OCA2: variants seen among roughly 807,000 people sequenced by gnomAD.
OCA2 encodes OCA2 melanosomal transmembrane protein, also known as P protein.
In OCA2, 77 loss-of-function variants were observed where a neutral mutation model predicts 100.2. The observed-to-expected ratio is 0.77, with a 90% CI of 0.64 to 0.93. The LOEUF (loss-of-function observed/expected upper bound fraction) is 0.93, where lower values mean the gene tolerates loss of function less well. Among genes scored for constraint, OCA2 ranks in the 40% least tolerant of loss-of-function variants. The pLI is 0.00. For missense variants in OCA2, 1,062 were observed against 1,089.1 expected, an observed-to-expected ratio of 0.98 and a Z score of 0.35; for synonymous variants, 432 against 439.2, an observed-to-expected ratio of 0.98 and a Z score of 0.21.
Position 27,851,489 on chromosome 15 carries a change from G to A in OCA2, c.2245-14C>T. On this transcript the variant is annotated splice_polypyrimidine_tract_variant and intron_variant, in intron 21 of 23. Coordinates refer to ENST00000354638, the MANE Select transcript of OCA2 (RefSeq NM_000275.3). Reference sequence around the variant, plus strand: ...GAGCACGGGAATCTGTGGAGGAAGAGGACATTGATGCCACGTCCCATGGAC... The same window carrying A: ...GAGCACGGGAATCTGTGGAGGAAGAAGACATTGATGCCACGTCCCATGGAC... 3 of 1,605,246 alleles carry A rather than the reference G, an allele frequency of 1.9e-6. No homozygotes were observed. The highest frequency in any genetic ancestry group is 2.6e-6 in the Non-Finnish European group (3 of 1,173,652).
the OCA2 span, among the ~76,000 whole-genome samples, chr15:27,726,463 G>A: frequency 5.9e-5 from 9 of 152,280 alleles, no homozygotes; most frequent in South Asian, 2.1e-4. Context: ...GGCAGCAGCC[G>A]GATTAGACTG....
At chr15:27,873,050 C>CTT (rs1368423832) in intron 19 of OCA2, among the ~76,000 whole-genome samples, 3 of 152,212 alleles carry the variant, frequency 2.0e-5, no homozygotes, top group African/African-American at 7.2e-5. Flanking sequence ...TGTTAGCCGA[C>CTT]TTTCATTTAA....
intron 6 of OCA2, among the ~76,000 whole-genome samples, chr15:28,019,379 A>G (rs1029689498): frequency 6.6e-6 from 1 of 152,004 alleles, no homozygotes; most frequent in Admixed American, 6.6e-5. Flanking sequence ...CTGGTTGTAG[A>G]GGTTTGCTGG....
intron 23 of OCA2, among the ~76,000 whole-genome samples, chr15:27,838,105 C>G (rs554205427): frequency 5.4e-4 from 82 of 152,202 alleles, no homozygotes; most frequent in African/African-American, 2.0e-3. Flanking sequence ...ATTTCCCCAA[C>G]AAGCCACATG....
chr15:27,998,016 G>T, intron 9 of OCA2, among the ~76,000 whole-genome samples: 1 of 140,936 alleles, frequency 7.1e-6, no homozygotes. Flanking sequence ...TGTGATTTTT[G>T]TACATTGATT....
chr15:27,737,924 A>G, the OCA2 span, among the ~76,000 whole-genome samples: 1 of 152,228 alleles, frequency 6.6e-6, no homozygotes, highest in Non-Finnish European at 1.5e-5. Context: ...TATGCTCAAC[A>G]TCATCAGTCA....
At chr15:28,078,191 A>C (rs1427964725) in intron 2 of OCA2, among the ~76,000 whole-genome samples, 1 of 152,272 alleles carries the variant, frequency 6.6e-6, no homozygotes, top group East Asian at 1.9e-4. Context: ...AAACAGTGAA[A>C]GATGCAGATA....
intron 19 of OCA2, among the ~76,000 whole-genome samples, chr15:27,906,870 A>C (rs2038199761): frequency 6.6e-6 from 1 of 152,194 alleles, no homozygotes; most frequent in Non-Finnish European, 1.5e-5. Context: ...TGAGGGCCTC[A>C]GGCTGCTCCC....
In OCA2 at chr15:27,957,557, A is replaced by C. The variant is rs754177983; in HGVS notation, c.1784+31T>G. On this transcript the variant is annotated intron_variant, in intron 16 of 23. Coordinates refer to ENST00000354638, the MANE Select transcript of OCA2 (RefSeq NM_000275.3). The surrounding 1 kb of genome is among the most constrained non-coding windows in gnomAD (Gnocchi z 4.3). ...CCATGGAATGTTCTGCTGCACACCA[A>C]GCACAGTCTGAGCAGGACCCCGCCC... The C allele has an allele frequency of 4.3e-6, 7 of 1,610,978 alleles. No individual in the cohort carries two copies. Among genetic ancestry groups the C allele is most frequent in the Non-Finnish European group, 5.9e-6 (7 of 1,179,486 alleles).
In OCA2 at chr15:27,800,260, T is replaced by C. The variant is rs374729398; in HGVS notation, c.2432+44699A>G. 8.5e-5 allele frequency among the ~76,000 whole-genome samples: 13 copies of C among 152,120 alleles called. No homozygotes were observed. In the East Asian group the frequency reaches 2.3e-3, roughly 27 times the overall value. ...AAACATCTATATTGAAAAAGTGTCA[T>C]ATCAATGACTTCAGCTTCCATCTGA... On this transcript the variant is annotated intron_variant, in intron 23 of 23. Coordinates refer to ENST00000354638, the MANE Select transcript of OCA2 (RefSeq NM_000275.3).
intron 21 of OCA2, among the ~76,000 whole-genome samples, chr15:27,861,308 T>C (rs2036122030): frequency 6.6e-6 from 1 of 152,136 alleles, no homozygotes; most frequent in African/African-American, 2.4e-5. Context: ...AGGATTTCAG[T>C]TCGGGACACG....
intron 14 of OCA2, among the ~76,000 whole-genome samples, chr15:27,980,420 C>T (rs2041121707): frequency 1.3e-5 from 2 of 152,208 alleles, no homozygotes; most frequent in South Asian, 4.1e-4. Flanking sequence ...AGCCACCGCG[C>T]ACGGCCAGTA....
At chr15:27,838,398 G>A (rs1283182254) in intron 23 of OCA2, among the ~76,000 whole-genome samples, 2 of 152,304 alleles carry the variant, frequency 1.3e-5, no homozygotes, top group Admixed American at 6.5e-5. Flanking sequence ...AAACAGCTGA[G>A]TAGTAAAAAC....
chr15:27,746,507 C>T, the OCA2 span, among the ~76,000 whole-genome samples: 7 of 151,612 alleles, frequency 4.6e-5, no homozygotes, highest in Non-Finnish European at 1.0e-4. Context: ...GAACTTTTTT[C>T]CCCCTGAAAC....
At chr15:27,906,004 T>G (rs766683378) in intron 19 of OCA2, among the ~76,000 whole-genome samples, 1 of 152,250 alleles carries the variant, frequency 6.6e-6, no homozygotes, top group African/African-American at 2.4e-5. Context: ...AAATAAAAAG[T>G]TGATTGAACT....
intron 1 of OCA2, among the ~76,000 whole-genome samples, chr15:28,090,561 C>G (rs1008379707): frequency 6.6e-6 from 1 of 152,140 alleles, no homozygotes; most frequent in Admixed American, 6.5e-5. Flanking sequence ...AAAATCTGCA[C>G]ACTTAGAAAT....
chr15:28,076,672 C>T (rs2044435645), intron 2 of OCA2, among the ~76,000 whole-genome samples: 1 of 150,946 alleles, frequency 6.6e-6, no homozygotes, highest in South Asian at 2.1e-4. Flanking sequence ...AAGGTGAAAC[C>T]CCGTCTCTAC....
At chr15:27,945,926 T>C (rs572770372) in intron 18 of OCA2, among the ~76,000 whole-genome samples, 1 of 152,320 alleles carries the variant, frequency 6.6e-6, no homozygotes, top group South Asian at 2.1e-4. Context: ...TAATCAGTTA[T>C]CCACAATCTT....
chr15:27,822,907 T>A (rs1386630202), intron 23 of OCA2, among the ~76,000 whole-genome samples: 1 of 152,242 alleles, frequency 6.6e-6, no homozygotes, highest in Admixed American at 6.5e-5. Context: ...GATCTTGTTT[T>A]ATCCTTTACT....
Sources: allele counts gnomAD v4.1 joint callset (sites outside exome capture counted in the v4.1 genomes callset), GRCh38; gene constraint gnomAD v4.1.1; non-coding constraint Gnocchi (gnomAD v3.1); transcripts MANE v1.5; gene names NCBI Gene and HGNC (gene_info 2026-07-23, HGNC 2026-07-21).